Variants in KCNG2 observed in about 807,000 individuals in gnomAD.
KCNG2 encodes potassium voltage-gated channel modifier subfamily G member 2, also known as voltage-gated potassium channel regulatory subunit KCNG2.
A neutral mutation model predicts 12.3 loss-of-function variants in KCNG2; 7 were observed. The observed-to-expected ratio is 0.57, with a 90% CI of 0.32 to 1.07. The LOEUF (loss-of-function observed/expected upper bound fraction) is 1.07. Among genes scored for constraint, KCNG2 ranks in the 50% least tolerant of loss-of-function variants. KCNG2 has a pLI of 0.04. For missense variants in KCNG2, 703 were observed against 726.0 expected (o/e 0.97, Z 0.36); for synonymous variants, 414 against 351.4 (o/e 1.18, Z -1.99).
rs746853227 is a variant in KCNG2 at position 79,860,684 on chromosome 18, CAT to C, written c.-40-2943_-40-2942del. ...AGTGATGTGTGTGTGTGTGTGTGCG[CAT>C]GTGTATGTGTATGTGTGCGTGTGTG... On this transcript the variant is annotated intron_variant, in intron 2 of 3. Transcript: ENST00000316249. Among the ~76,000 whole-genome samples the C allele has an allele frequency of 1.0e-4, 15 of 150,412 alleles. No individual in the cohort carries two copies. The Middle Eastern group carries it at 0.01, about 102-fold the overall frequency.
At chr18:79,814,751 A>C (rs1006658055) in intron 1 of KCNG2, among the ~76,000 whole-genome samples, 19 of 152,186 alleles carry the variant, frequency 1.2e-4, no homozygotes, top group Non-Finnish European at 2.6e-4. Context: ...ATCTATTATT[A>C]ATCTCAAAAG....
intron 1 of KCNG2, among the ~76,000 whole-genome samples, chr18:79,854,530 C>CTTTTTTTTTTTTTTTTTT (rs71163836): frequency 7.4e-6 from 1 of 135,836 alleles, no homozygotes; most frequent in Admixed American, 7.7e-5. Context: ...CTTTCATTGG[C>CTTTTTTTTTTTTTTTTTT]TTTTTTTTTT....
At position 79,831,610 on chromosome 18, in the gene KCNG2, GAGCGTGCCCTGCGT is replaced by G. The variant is rs1366953698; in HGVS notation, c.-114-24767_-114-24754del. 1.2e-3 allele frequency among the ~76,000 whole-genome samples: 149 copies of G among 126,760 alleles called. 12 individuals are homozygous for G. Among genetic ancestry groups the G allele is most frequent in the African/African-American group, 1.9e-3 (65 of 33,756 alleles). The allele number at this position is 126,760 out of a possible 152,430, so 83.2% of individuals were successfully genotyped here. A position where few individuals can be genotyped will look rare whatever the true frequency, so the allele number is the denominator to read the frequency against. On this transcript the variant is annotated intron_variant, in intron 1 of 3. Transcript: ENST00000316249. ...GCCCTGCGTACAGAGCCTTCGTCAG[GAGCGTGCCCTGCGT>G]ACAGAGCCTTCGTCAGGAGCGTGCC...
At chr18:79,837,512 C>G (rs1978343024) in intron 1 of KCNG2, among the ~76,000 whole-genome samples, 1 of 152,202 alleles carries the variant, frequency 6.6e-6, no homozygotes, top group African/African-American at 2.4e-5. Flanking sequence ...CTGCTTTACT[C>G]TACTAGAGGT....
At chr18:79,877,875 G>A (rs1254545880) in intron 3 of KCNG2, among the ~76,000 whole-genome samples, 1 of 152,252 alleles carries the variant, frequency 6.6e-6, no homozygotes, top group East Asian at 1.9e-4. Flanking sequence ...AAAGGCGGCT[G>A]GTCACGGTCC....
At chr18:79,875,588 C>T (rs1054795894) in intron 3 of KCNG2, among the ~76,000 whole-genome samples, 11 of 152,204 alleles carry the variant, frequency 7.2e-5, no homozygotes, top group African/African-American at 2.2e-4. Flanking sequence ...AGATCACTCC[C>T]GTCCCACCCT....
At chr18:79,879,079 A>C (rs1980193083) in intron 3 of KCNG2, among the ~76,000 whole-genome samples, 1 of 152,236 alleles carries the variant, frequency 6.6e-6, no homozygotes, top group Non-Finnish European at 1.5e-5. Context: ...GGAGGGTGGT[A>C]GCGTGCCAGG....
chr18:79,827,099 C>T (rs1448644107), intron 1 of KCNG2, among the ~76,000 whole-genome samples: 2 of 152,238 alleles, frequency 1.3e-5, no homozygotes, highest in Non-Finnish European at 2.9e-5. Context: ...TGTTGCTCCT[C>T]TATGGGGTGG....
chr18:79,863,693 G>C lies in KCNG2; in HGVS notation c.26G>C (p.Gly9Ala). MEPWPCSPGGGGGTRARHV... is the reference protein window; with the variant it reads MEPWPCSPAGGGGTRARHV... ...ATGGAGCCATGGCCCTGCTCCCCGGGCGGCGGCGGCGGGACCCGCGCCCGG... is the reference window on the plus strand; with the variant it reads ...ATGGAGCCATGGCCCTGCTCCCCGGCCGGCGGCGGCGGGACCCGCGCCCGG... Residue 9 changes from glycine (G) to alanine (A), a missense_variant, in exon 3 of 4, where the codon GGC becomes GCC. Physicochemically the swap from Gly to Ala is moderately conservative, Grantham distance 60 (BLOSUM62 0). Coordinates refer to ENST00000316249, the MANE Select transcript of KCNG2 (RefSeq NM_012283.2). 9.0e-7 allele frequency: 1 copy of C among 1,115,568 alleles called. No homozygotes were observed. The highest frequency in any genetic ancestry group is 1.1e-6 in the Non-Finnish European group (1 of 892,998). 69.1% of individuals were successfully genotyped at this position (1,115,568 alleles called of 1,614,324 possible).
At chr18:79,874,481 A>T (rs1046428769) in intron 3 of KCNG2, among the ~76,000 whole-genome samples, 1 of 152,166 alleles carries the variant, frequency 6.6e-6, no homozygotes, top group Non-Finnish European at 1.5e-5. Flanking sequence ...GGTGTTTTGG[A>T]CTCTCACAAA....
intron 3 of KCNG2, among the ~76,000 whole-genome samples, chr18:79,873,533 G>T (rs1455944660): frequency 6.6e-6 from 1 of 152,018 alleles, no homozygotes. Flanking sequence ...GCTGTGAGGG[G>T]CGTCGGGGAG....
At position 79,858,696 on chromosome 18, in the gene KCNG2, G is replaced by A. The variant is rs1599398613; in HGVS notation, c.-41+2244G>A. On this transcript the variant is annotated intron_variant, in intron 2 of 3. Coordinates refer to ENST00000316249, the MANE Select transcript of KCNG2 (RefSeq NM_012283.2). The stretch of plus-strand genomic sequence containing the variant: ...TTATATTCCCACCAGCAATGTACAG[G>A]GGTCCAATTTTTCCACATCCTTTCC... 3.3e-5 allele frequency among the ~76,000 whole-genome samples: 5 copies of A among 151,956 alleles called. No individual in the cohort carries two copies. In the East Asian group the frequency reaches 9.6e-4, roughly 29 times the overall value.
chr18:79,804,912 T>C (rs1294691245), intron 1 of KCNG2, among the ~76,000 whole-genome samples: 2 of 152,218 alleles, frequency 1.3e-5, no homozygotes, highest in African/African-American at 2.4e-5. Flanking sequence ...GCTAATACAT[T>C]AGGATAGTTT....
chr18:79,873,701 T>C (rs1236940769), intron 3 of KCNG2, among the ~76,000 whole-genome samples: 1 of 152,140 alleles, frequency 6.6e-6, no homozygotes, highest in Non-Finnish European at 1.5e-5. Flanking sequence ...CTTTGCGATT[T>C]GGAAAGCAGG....
intron 1 of KCNG2, among the ~76,000 whole-genome samples, chr18:79,827,240 C>T (rs1345318004): frequency 6.6e-6 from 1 of 152,238 alleles, no homozygotes; most frequent in Non-Finnish European, 1.5e-5. Flanking sequence ...CTCAGTGGTC[C>T]TGTGTCCACC....
intron 3 of KCNG2, among the ~76,000 whole-genome samples, chr18:79,895,176 G>A (rs1404841938): frequency 1.3e-5 from 2 of 151,812 alleles, no homozygotes; most frequent in Non-Finnish European, 2.9e-5. Context: ...GCTTTTGATT[G>A]GGTTGTTCAC....
At position 79,896,872 on chromosome 18, in the gene KCNG2, G is replaced by GT. The variant is rs577974365; in HGVS notation, c.625-2161dup. Among the ~76,000 whole-genome samples, 764 of 152,256 alleles carry GT rather than the reference G, an allele frequency of 5.0e-3. 9 individuals are homozygous for GT. The highest frequency in any genetic ancestry group is 0.017 in the African/African-American group (703 of 41,536). On this transcript the variant is annotated intron_variant, in intron 3 of 3. Coordinates refer to ENST00000316249, the MANE Select transcript of KCNG2 (RefSeq NM_012283.2). Reference sequence around the variant, plus strand: ...GGATATAGGATTCTTGATTGGCAGGGTTTTTTTCCTTTGAGCACTTTGGAT... The same window carrying GT: ...GGATATAGGATTCTTGATTGGCAGGGTTTTTTTTCCTTTGAGCACTTTGGAT...
intron 1 of KCNG2, among the ~76,000 whole-genome samples, chr18:79,839,113 C>A (rs892305947): frequency 6.6e-6 from 1 of 152,108 alleles, no homozygotes; most frequent in African/African-American, 2.4e-5. Context: ...CTGGACAAGA[C>A]CCCACCTCTA....
intron 3 of KCNG2, among the ~76,000 whole-genome samples, chr18:79,866,808 GTGTCTGT>G (rs1459041073): frequency 2.0e-3 from 252 of 124,334 alleles, no homozygotes; most frequent in East Asian, 4.1e-3. Flanking sequence ...TGAGGTCTGT[GTGTCTGT>G]GTGCTGAGAG....
Sources: allele counts gnomAD v4.1 joint callset (sites outside exome capture counted in the v4.1 genomes callset), GRCh38; gene constraint gnomAD v4.1.1; transcripts MANE v1.5; gene names NCBI Gene and HGNC (gene_info 2026-07-23, HGNC 2026-07-21).